Variants in CALCRL observed in about 807,000 individuals in gnomAD.
CALCRL encodes calcitonin gene-related peptide type 1 receptor.
CALCRL carries 27 observed loss-of-function variants against 60.4 expected under a neutral mutation model. The observed-to-expected ratio is 0.45, with a 90% CI of 0.33 to 0.62. CALCRL has a LOEUF of 0.62. Among genes scored for constraint, CALCRL ranks in the 20% least tolerant of loss-of-function variants. CALCRL has a pLI of 0.03. For missense variants in CALCRL, 424 were observed against 540.7 expected, an observed-to-expected ratio of 0.78 and a Z score of 2.14; for synonymous variants, 190 against 182.6, an observed-to-expected ratio of 1.04 and a Z score of -0.33.
intron 1 of CALCRL, among the ~76,000 whole-genome samples, chr2:187,406,194 A>G (rs1437809317): frequency 6.6e-6 from 1 of 150,474 alleles, no homozygotes; most frequent in Non-Finnish European, 1.5e-5. Context: ...AACCAAAAAA[A>G]AAAACACAAA....
At chr2:187,365,805 G>A (rs1012746182) in intron 8 of CALCRL, among the ~76,000 whole-genome samples, 14 of 152,108 alleles carry the variant, frequency 9.2e-5, no homozygotes, top group African/African-American at 3.1e-4. Context: ...TGAACAGAAA[G>A]AAAGACTGCA....
At chr2:187,372,424 C>T (rs951838865) in intron 8 of CALCRL, among the ~76,000 whole-genome samples, 1 of 151,702 alleles carries the variant, frequency 6.6e-6, no homozygotes, top group Non-Finnish European at 1.5e-5. Flanking sequence ...ACGTCTCTTT[C>T]TCTTTTCCCC....
intron 8 of CALCRL, among the ~76,000 whole-genome samples, chr2:187,372,790 A>T (rs527813751): frequency 6.6e-6 from 1 of 152,296 alleles, no homozygotes; most frequent in South Asian, 2.1e-4. Flanking sequence ...GAATGATTTT[A>T]TGTGAAACAT....
At chr2:187,385,911 A>C (rs535434711) in intron 3 of CALCRL, among the ~76,000 whole-genome samples, 9 of 152,094 alleles carry the variant, frequency 5.9e-5, no homozygotes, top group Non-Finnish European at 1.2e-4. Flanking sequence ...CACCACACCC[A>C]GCTAATTTTT....
chr2:187,348,288 T>A (rs937931485), intron 14 of CALCRL, among the ~76,000 whole-genome samples: 6 of 151,684 alleles, frequency 4.0e-5, no homozygotes, highest in African/African-American at 1.4e-4. Flanking sequence ...AAAATGACCA[T>A]TGACCAATTA....
chr2:187,381,605 G>A (rs927974968), intron 5 of CALCRL, among the ~76,000 whole-genome samples: 7 of 151,800 alleles, frequency 4.6e-5, no homozygotes, highest in South Asian at 2.1e-4. Flanking sequence ...ACAGGTGCCC[G>A]CCACTGCGCC....
At chr2:187,356,872 CA>C (rs1463010834) in intron 12 of CALCRL, among the ~76,000 whole-genome samples, 1 of 152,080 alleles carries the variant, frequency 6.6e-6, no homozygotes, top group Admixed American at 6.6e-5. Context: ...CAAAAGAAGA[CA>C]TTTATGCAGC....
In CALCRL at chr2:187,380,393, T is replaced by C. The variant is rs1687934995; in HGVS notation, c.408+74A>G. The C allele has an allele frequency of 7.7e-6, 6 of 781,430 alleles. No homozygotes were observed. In the Admixed American group the frequency reaches 1.3e-4, roughly 17 times the overall value. The allele number at this position is 781,430 out of a possible 1,614,324, so 48.4% of individuals were successfully genotyped here. ...AATGGAATAATGACTTTATTTTCTT[T>C]AATACAGTATTGGACAAAGGAGCTG... On this transcript the variant is annotated intron_variant, in intron 7 of 14. Coordinates refer to ENST00000392370, the MANE Select transcript of CALCRL (RefSeq NM_005795.6).
chr2:187,354,877 G>C (rs1686703878), intron 12 of CALCRL, among the ~76,000 whole-genome samples: 1 of 151,940 alleles, frequency 6.6e-6, no homozygotes, highest in African/African-American at 2.4e-5. Flanking sequence ...TACTGATTTA[G>C]AAGTCTGAAT....
chr2:187,409,183 TACA>T (rs2105843250), intron 1 of CALCRL, among the ~76,000 whole-genome samples: 2 of 152,286 alleles, frequency 1.3e-5, no homozygotes, highest in East Asian at 3.9e-4. Context: ...GGAAAGTGTT[TACA>T]ACATCAAGTC....
At chr2:187,402,390 T>C (rs1688927622) in intron 1 of CALCRL, among the ~76,000 whole-genome samples, 1 of 151,392 alleles carries the variant, frequency 6.6e-6, no homozygotes, top group Admixed American at 6.6e-5. Context: ...GCTGGAATGA[T>C]GCATTTTACA....
chr2:187,414,248 A>T (rs1221618708), intron 1 of CALCRL, among the ~76,000 whole-genome samples: 1 of 152,152 alleles, frequency 6.6e-6, no homozygotes, highest in Non-Finnish European at 1.5e-5. Context: ...ATGTTTTATT[A>T]GGATGTGAGT....
chr2:187,393,732 C>T (rs1309599540), intron 1 of CALCRL, among the ~76,000 whole-genome samples: 1 of 152,044 alleles, frequency 6.6e-6, no homozygotes, highest in Non-Finnish European at 1.5e-5. Flanking sequence ...CTAACCCTTT[C>T]AAGCCTATTA....
At chr2:187,427,142 A>G (rs76826222) in intron 1 of CALCRL, among the ~76,000 whole-genome samples, 6,144 of 152,228 alleles carry the variant, frequency 0.04, 181 homozygotes, top group South Asian at 0.12. Flanking sequence ...AGGAAAAGGA[A>G]GATTGTGAAA....
At chr2:187,382,815 C>A (rs1199654268) in intron 5 of CALCRL, among the ~76,000 whole-genome samples, 6 of 151,742 alleles carry the variant, frequency 4.0e-5, no homozygotes, top group African/African-American at 1.2e-4. Flanking sequence ...ATTAGGCAAC[C>A]TCCTGTCAAG....
At chr2:187,407,837 G>A (rs989258673) in intron 1 of CALCRL, among the ~76,000 whole-genome samples, 16 of 151,994 alleles carry the variant, frequency 1.1e-4, no homozygotes, top group African/African-American at 3.6e-4. Flanking sequence ...CTAAACCTGG[G>A]GATTACAGAG....
chr2:187,372,454 T>G (rs1200022005), intron 8 of CALCRL, among the ~76,000 whole-genome samples: 1 of 152,150 alleles, frequency 6.6e-6, no homozygotes, highest in East Asian at 1.9e-4. Flanking sequence ...GTTCCCTTTC[T>G]TTTTATCTCC....
chr2:187,354,678 C>G (rs748816378), intron 12 of CALCRL, among the ~76,000 whole-genome samples: 1 of 151,954 alleles, frequency 6.6e-6, no homozygotes, highest in Non-Finnish European at 1.5e-5. Context: ...TTTAGGCCAA[C>G]AAGATGGGAA....
At chr2:187,426,232 G>T (rs1485424629) in intron 1 of CALCRL, among the ~76,000 whole-genome samples, 1 of 142,126 alleles carries the variant, frequency 7.0e-6, no homozygotes, top group Non-Finnish European at 1.6e-5. Context: ...TATGGTGTCT[G>T]TCATTTATTA....
Sources: allele counts gnomAD v4.1 joint callset (sites outside exome capture counted in the v4.1 genomes callset), GRCh38; gene constraint gnomAD v4.1.1; transcripts MANE v1.5; gene names NCBI Gene and HGNC (gene_info 2026-07-23, HGNC 2026-07-21).